SPATA22: variants seen among roughly 807,000 people sequenced by gnomAD.
SPATA22 encodes spermatogenesis-associated protein 22.
Under a neutral mutation model 47.8 loss-of-function variants are expected in SPATA22, and 29 were observed. That is an observed-to-expected ratio of 0.61 (90% CI 0.45 to 0.83). The LOEUF (loss-of-function observed/expected upper bound fraction) is 0.83. SPATA22 is among the 40% of genes least tolerant of loss of function. SPATA22 has a pLI of 0.00. For synonymous variants in SPATA22, 133 were observed against 140.9 expected (o/e 0.94, Z 0.40); for missense variants, 410 against 421.7 (o/e 0.97, Z 0.24).
upstream of SPATA22, chr17:3,471,835 G>A (rs960358512): frequency 7.1e-6 from 7 of 984,902 alleles, no homozygotes; most frequent in East Asian, 3.4e-4. Flanking sequence ...GTTCGCAGGC[G>A]CCGTGGACCG....
chr17:3,448,747 A>G (rs2072785005), intron 6 of SPATA22, 60 bp downstream of exon 6: 1 of 1,273,538 alleles, frequency 7.9e-7, no homozygotes, highest in Non-Finnish European at 1.1e-6. Context: ...AGTTTTCTAA[A>G]TATTTACCTC....
chr17:3,481,696 C>T lies in SPATA22; in HGVS notation c.-73-12298G>A, dbSNP rs752909030. 1 of 1,613,820 alleles carries T rather than the reference C, an allele frequency of 6.2e-7. No homozygotes were observed. The highest frequency in any genetic ancestry group is 8.5e-7 in the Non-Finnish European group (1 of 1,179,860). On this transcript the variant is annotated intron_variant, in intron 1 of 8. Transcript: ENST00000541913. ...CAAAAGACAGTGAAGATTCCTATGA[C>T]ATTATTTTTGACCTTCACAACACCA...
chr17:3,506,991 G>GAAGA (rs1205897108), intron 1 of SPATA22, among the ~76,000 whole-genome samples: 1 of 145,062 alleles, frequency 6.9e-6, no homozygotes, highest in African/African-American at 2.5e-5. Context: ...AAAAGAGAAG[G>GAAGA]AAGGGAGGGA....
upstream of SPATA22, among the ~76,000 whole-genome samples, chr17:3,475,130 C>G (rs1260187763): frequency 1.3e-5 from 2 of 152,186 alleles, no homozygotes; most frequent in African/African-American, 4.8e-5. Context: ...ATTCCCAGTA[C>G]TTGAACATAT....
In SPATA22 at chr17:3,486,091, C is replaced by T. The variant is rs866406325; in HGVS notation, c.-73-16693G>A. Among the ~76,000 whole-genome samples the T allele has an allele frequency of 3.3e-5, 5 of 152,234 alleles. No individual in the cohort carries two copies. The Middle Eastern group carries it at 0.01, about 311-fold the overall frequency. On this transcript the variant is annotated intron_variant, in intron 1 of 8. Transcript: ENST00000541913. ...GGGATTACAGGTGCCCACCACCATACCCAGCAAATTTTTTGCATTTTTAGT... is the reference window on the plus strand; with the variant it reads ...GGGATTACAGGTGCCCACCACCATATCCAGCAAATTTTTTGCATTTTTAGT...
intron 7 of SPATA22, among the ~76,000 whole-genome samples, chr17:3,444,383 A>G (rs1402316801): frequency 6.6e-6 from 1 of 152,094 alleles, no homozygotes; most frequent in Non-Finnish European, 1.5e-5. Context: ...TAGGCATGTT[A>G]CCAAGTCAGA....
At chr17:3,492,852 A>G (rs2073847977) in intron 1 of SPATA22, among the ~76,000 whole-genome samples, 1 of 152,220 alleles carries the variant, frequency 6.6e-6, no homozygotes, top group African/African-American at 2.4e-5. Context: ...AACAATAAAA[A>G]AAATCCACAA....
rs189810006 is a variant in SPATA22 at position 3,487,617 on chromosome 17, G to A, written c.-73-18219C>T. Among the ~76,000 whole-genome samples the A allele has an allele frequency of 2.3e-4, 35 of 152,256 alleles. 1 individual carries two copies. The highest frequency in any genetic ancestry group is 2.2e-3 in the Admixed American group (34 of 15,282). On this transcript the variant is annotated intron_variant, in intron 1 of 8. Transcript: ENST00000541913. ...TTTGATTTGTTTCAGCTAATTGCCT[G>A]TATTTGGATATTTAGCTTACTCTAA... is the stretch of plus-strand genomic sequence containing the variant.
chr17:3,492,861 A>T (rs2073848149), intron 1 of SPATA22, among the ~76,000 whole-genome samples: 1 of 152,204 alleles, frequency 6.6e-6, no homozygotes, highest in African/African-American at 2.4e-5. Flanking sequence ...AAAAATCCAC[A>T]AAGCCAGTGT....
At position 3,471,801 on chromosome 17, in the gene SPATA22, C is replaced by A. The variant is rs62071294; in HGVS notation, c.-193G>T. The A allele has an allele frequency of 0.46, 452,996 of 985,320 alleles. 108,977 individuals carry two copies. Among genetic ancestry groups the A allele is most frequent in the Non-Finnish European group, 0.49 (410,544 of 829,884 alleles). The allele number at this position is 985,320 out of a possible 1,614,324, so 61.0% of individuals were successfully genotyped here. ...CAGCAACCGCCGCCCTTCCCGCCCGCGAAGAAAGCGCGGGAATCAGGCTGT... is the reference window on the plus strand; with the variant it reads ...CAGCAACCGCCGCCCTTCCCGCCCGAGAAGAAAGCGCGGGAATCAGGCTGT... On this transcript the variant is annotated 5_prime_UTR_variant, in exon 1 of 9. Coordinates refer to ENST00000572969, the MANE Select transcript of SPATA22 (RefSeq NM_001170698.2).
chr17:3,497,666 C>A (rs76536053), intron 1 of SPATA22, among the ~76,000 whole-genome samples: 11 of 152,152 alleles, frequency 7.2e-5, no homozygotes, highest in Admixed American at 2.6e-4. Flanking sequence ...ATGGAGAAAA[C>A]TGCGGTGATG....
intron 1 of SPATA22, chr17:3,481,567 A>C: frequency 6.4e-7 from 1 of 1,569,930 alleles, no homozygotes; most frequent in East Asian, 2.2e-5. Flanking sequence ...TCTCAGGCAC[A>C]GATGTTGTTC....
chr17:3,461,247 C>T (rs962600783), intron 5 of SPATA22, among the ~76,000 whole-genome samples: 3 of 152,166 alleles, frequency 2.0e-5, no homozygotes, highest in Non-Finnish European at 4.4e-5. Context: ...TTTTTATTTG[C>T]TAAATCTGGC....
chr17:3,493,418 G>A (rs375229165), intron 1 of SPATA22, among the ~76,000 whole-genome samples: 6 of 151,850 alleles, frequency 4.0e-5, no homozygotes, highest in African/African-American at 9.7e-5. Flanking sequence ...AAAATTAGCC[G>A]GGCGTGGTGG....
At chr17:3,440,372 T>C in intron 8 of SPATA22, 34 bp from the exon 9 acceptor site, 1 of 1,479,660 alleles carries the variant, frequency 6.8e-7, no homozygotes, top group South Asian at 1.4e-5. Flanking sequence ...AAAAAATAGT[T>C]ATTACTTCAT....
intron 1 of SPATA22, chr17:3,510,482 G>A (rs142548590): frequency 6.6e-6 from 1 of 152,238 alleles, no homozygotes; most frequent in Non-Finnish European, 1.5e-5. Flanking sequence ...CACACCTAAC[G>A]CAAGGATAAA....
chr17:3,448,843 T>G lies in SPATA22; in HGVS notation c.636A>C (p.Gln212His), dbSNP rs1424497103. Residue 212 changes from glutamine to histidine, a missense_variant, in exon 6 of 9, where the codon CAA becomes CAC. Coordinates refer to ENST00000572969, the MANE Select transcript of SPATA22 (RefSeq NM_001170698.2). ...TGTCTTCTGGAATATCATCCAACAT[T>G]TGTTTCTTATATTGATTTTGTTGAA... The part of the protein sequence containing the change: ...PNFQQNQYKK[Q>H]MLDDIPEDNT... 6.2e-7 allele frequency: 1 copy of G among 1,611,268 alleles called. No individual in the cohort carries two copies. The highest frequency in any genetic ancestry group is 1.1e-5 in the South Asian group (1 of 90,320).
intron 1 of SPATA22, among the ~76,000 whole-genome samples, chr17:3,479,987 G>A (rs1479791999): frequency 2.0e-5 from 3 of 152,088 alleles, no homozygotes; most frequent in Non-Finnish European, 4.4e-5. Context: ...ACTGGCCCTT[G>A]TGCCAGAAAA....
chr17:3,496,311 T>C (rs569414982), intron 1 of SPATA22, among the ~76,000 whole-genome samples: 7 of 152,318 alleles, frequency 4.6e-5, no homozygotes, highest in African/African-American at 1.7e-4. Context: ...AAACAATATG[T>C]AAACCAAATC....
Sources: allele counts gnomAD v4.1 joint callset (sites outside exome capture counted in the v4.1 genomes callset), GRCh38; gene constraint gnomAD v4.1.1; transcripts MANE v1.5; gene names NCBI Gene and HGNC (gene_info 2026-07-23, HGNC 2026-07-21).